The following GOLT1B variants were observed in gnomAD, a reference collection of about 807,000 sequenced individuals.
GOLT1B encodes the protein vesicle transport protein GOT1B.
A neutral mutation model predicts 15.4 loss-of-function variants in GOLT1B; 3 were observed. The ratio of observed to expected loss-of-function variants is 0.19; its 90% CI spans 0.09 to 0.50. The LOEUF (loss-of-function observed/expected upper bound fraction) is 0.50. GOLT1B is among the 20% of genes least tolerant of loss of function. The pLI is 0.97. For missense variants in GOLT1B, 145 were observed against 160.4 expected (o/e 0.90, Z 0.52); for synonymous variants, 65 against 56.2 (o/e 1.16, Z -0.70).
intron 4 of GOLT1B, chr12:21,515,310 T>C: frequency 1.0e-6 from 1 of 996,376 alleles, no homozygotes; most frequent in Non-Finnish European, 1.5e-6. Flanking sequence ...AATGCATGAA[T>C]GGCTGACATT....
intron 1 of GOLT1B, among the ~76,000 whole-genome samples, chr12:21,504,149 TTA>T (rs1360441031): frequency 6.6e-6 from 1 of 152,274 alleles, no homozygotes; most frequent in East Asian, 1.9e-4. Context: ...AGTATGCTCC[TTA>T]TGTTAGACAG....
At position 21,502,079 on chromosome 12, in the gene GOLT1B, C is replaced by CT. The variant is rs1432778120; in HGVS notation, c.25+132dup. 1.4e-5 allele frequency: 10 copies of CT among 724,340 alleles called. No homozygotes were observed. The East Asian group carries it at 2.7e-4, about 19-fold the overall frequency. The allele number at this position is 724,340 out of a possible 1,614,324, so 44.9% of individuals were successfully genotyped here. ...GGTGGCCTGCGAGACAGAGCTAGGGCTGCTGGGACCCTAAGGGGCTGCCTT... is the reference window on the plus strand; with the variant it reads ...GGTGGCCTGCGAGACAGAGCTAGGGCTTGCTGGGACCCTAAGGGGCTGCCTT... On this transcript the variant is annotated intron_variant, in intron 1 of 4. Coordinates refer to ENST00000229314, the MANE Select transcript of GOLT1B (RefSeq NM_016072.5).
At chr12:21,514,686 G>C (rs922282111) in intron 4 of GOLT1B, among the ~76,000 whole-genome samples, 1 of 152,164 alleles carries the variant, frequency 6.6e-6, no homozygotes, top group Admixed American at 6.5e-5. Context: ...ACAGTGGTCA[G>C]TGTTATTTAT....
chr12:21,506,792 A>G (rs1943681530), intron 1 of GOLT1B, 93 bp from the exon 2 acceptor site: 1 of 591,458 alleles, frequency 1.7e-6, no homozygotes, highest in South Asian at 2.5e-5. Flanking sequence ...TCTTATACCT[A>G]TGAAAGGAAA....
intron 2 of GOLT1B, chr12:21,507,314 C>T (rs1198898151): frequency 4.3e-6 from 1 of 233,498 alleles, no homozygotes. Flanking sequence ...TTACTTTAAA[C>T]ATCCAAGACT....
rs1438281934 is a variant in GOLT1B, at chr12:21,518,124, G to A, written c.*2417G>A. On this transcript the variant is annotated 3_prime_UTR_variant, in exon 5 of 5. Transcript: ENST00000229314. The stretch of plus-strand genomic sequence containing the variant: ...ACAATTGAATATTGTAAATATACTT[G>A]TCTTACCTCTCAATAAAAGGGTACT... The A allele has an allele frequency of 6.6e-6, 1 of 152,274 alleles. No homozygotes were observed. Among genetic ancestry groups the A allele is most frequent in the African/African-American group, 2.4e-5 (1 of 41,412 alleles). 9.4% of individuals were successfully genotyped at this position (152,274 alleles called of 1,614,324 possible). A position where few individuals can be genotyped will look rare whatever the true frequency, so the allele number is the denominator to read the frequency against.
chr12:21,510,652 T>C (rs1163674497), intron 3 of GOLT1B, among the ~76,000 whole-genome samples: 1 of 152,194 alleles, frequency 6.6e-6, no homozygotes, highest in Non-Finnish European at 1.5e-5. Flanking sequence ...ATTTTTATGT[T>C]TTAAAACAAT....
At chr12:21,504,015 TTC>T (rs2136801947) in intron 1 of GOLT1B, among the ~76,000 whole-genome samples, 1 of 152,358 alleles carries the variant, frequency 6.6e-6, no homozygotes, top group African/African-American at 2.4e-5. Flanking sequence ...CTTGCTTGAC[TTC>T]TGTTTTTCAA....
At chr12:21,512,185 C>T (rs1943724804) in intron 3 of GOLT1B, 110 bp from the exon 4 acceptor site, 2 of 666,282 alleles carry the variant, frequency 3.0e-6, no homozygotes, top group Non-Finnish European at 2.7e-6. Context: ...AGTTTGAAGA[C>T]CCTCAATTAT....
intron 3 of GOLT1B, among the ~76,000 whole-genome samples, chr12:21,508,906 T>TAGAG (rs1216893858): frequency 7.5e-6 from 1 of 132,690 alleles, no homozygotes; most frequent in Non-Finnish European, 1.7e-5. Context: ...GATAGATAGA[T>TAGAG]AGATAGATAG....
At chr12:21,508,585 C>G in intron 3 of GOLT1B, 24 bp downstream of exon 3, 2 of 1,140,144 alleles carry the variant, frequency 1.8e-6, no homozygotes, top group East Asian at 2.4e-5. Context: ...TTGTCTCTTT[C>G]AGTAAATCAG....
intron 1 of GOLT1B, 139 bp downstream of exon 1, chr12:21,502,087 A>T (rs1943633100): frequency 2.9e-6 from 2 of 699,124 alleles, no homozygotes; most frequent in Non-Finnish European, 5.2e-6. Flanking sequence ...GGCTGCTGGG[A>T]CCCTAAGGGG....
At chr12:21,506,570 G>C (rs1444365374) in intron 1 of GOLT1B, among the ~76,000 whole-genome samples, 2 of 151,644 alleles carry the variant, frequency 1.3e-5, no homozygotes, top group Non-Finnish European at 3.0e-5. Context: ...TTTTCAGGAG[G>C]AAAAAAACAA....
Position 21,516,949 on chromosome 12 carries a change from A to G in GOLT1B, c.*1242A>G, listed in dbSNP as rs113315075. On this transcript the variant is annotated 3_prime_UTR_variant, in exon 5 of 5. Coordinates refer to ENST00000229314, the MANE Select transcript of GOLT1B (RefSeq NM_016072.5). ...TTTTTCCACCGTTGCTGATTATTAG[A>G]CAGTAGGAAATAGCTGTTTTCTTTA... is the stretch of plus-strand genomic sequence containing the variant. 1 of 152,484 alleles carries G rather than the reference A, an allele frequency of 6.6e-6. No individual in the cohort carries two copies. Among genetic ancestry groups the G allele is most frequent in the Non-Finnish European group, 1.5e-5 (1 of 67,908 alleles). 9.4% of individuals were successfully genotyped at this position (152,484 alleles called of 1,614,324 possible).
intron 4 of GOLT1B, among the ~76,000 whole-genome samples, chr12:21,513,354 T>G (rs1446826689): frequency 6.6e-6 from 1 of 152,190 alleles, no homozygotes; most frequent in Non-Finnish European, 1.5e-5. Context: ...TAACATCTTT[T>G]GGTGGAGTCT....
At chr12:21,512,778 G>C (rs1409407607) in intron 4 of GOLT1B, among the ~76,000 whole-genome samples, 1 of 152,102 alleles carries the variant, frequency 6.6e-6, no homozygotes, top group African/African-American at 2.4e-5. Context: ...ACTAGATTCA[G>C]ACAATTAAAT....
Position 21,517,769 on chromosome 12 carries a change from G to A in GOLT1B, c.*2062G>A, listed in dbSNP as rs1943767009. 6.6e-6 allele frequency: 1 copy of A among 152,474 alleles called. No homozygotes were observed. The highest frequency in any genetic ancestry group is 1.5e-5 in the Non-Finnish European group (1 of 67,950). The allele number at this position is 152,474 out of a possible 1,614,324, so 9.4% of individuals were successfully genotyped here. On this transcript the variant is annotated 3_prime_UTR_variant, in exon 5 of 5. Coordinates refer to ENST00000229314, the MANE Select transcript of GOLT1B (RefSeq NM_016072.5). ...AATGAGTCTGCAGTTAATATCAAAT[G>A]TGAGTTTGGGACTGCCTGGCAACAT...
At chr12:21,505,987 G>A (rs1389053522) in intron 1 of GOLT1B, among the ~76,000 whole-genome samples, 1 of 151,778 alleles carries the variant, frequency 6.6e-6, no homozygotes, top group Non-Finnish European at 1.5e-5. Flanking sequence ...AGAATGCACA[G>A]TCAATAAAAG....
chr12:21,506,572 A>G (rs1943680041), intron 1 of GOLT1B, among the ~76,000 whole-genome samples: 1 of 152,080 alleles, frequency 6.6e-6, no homozygotes, highest in Non-Finnish European at 1.5e-5. Flanking sequence ...TTCAGGAGGA[A>G]AAAAACAAAT....
Sources: allele counts gnomAD v4.1 joint callset (sites outside exome capture counted in the v4.1 genomes callset), GRCh38; gene constraint gnomAD v4.1.1; transcripts MANE v1.5; gene names NCBI Gene and HGNC (gene_info 2026-07-23, HGNC 2026-07-21).